Variants in WWOX observed in about 807,000 individuals in gnomAD.
The protein encoded by WWOX is WW domain-containing oxidoreductase.
WWOX carries 69 observed loss-of-function variants against 46.2 expected under a neutral mutation model. The ratio of observed to expected loss-of-function variants is 1.49; its 90% CI spans 1.23 to 1.82. WWOX has a LOEUF of 1.82. WWOX is among the 40% of genes most tolerant of loss of function. WWOX has a pLI of 0.00. For synonymous variants in WWOX, 359 were observed against 202.6 expected (o/e 1.77, Z -6.56); for missense variants, 919 against 542.6 (o/e 1.69, Z -6.89).
At chr16:79,150,526 C>T (rs947296635) in intron 8 of WWOX, among the ~76,000 whole-genome samples, 1 of 152,182 alleles carries the variant, frequency 6.6e-6, no homozygotes, top group Admixed American at 6.5e-5. Flanking sequence ...GTGCATGCCT[C>T]ATCTCTAAGG....
chr16:78,409,811 C>A (rs1204058225), intron 6 of WWOX, among the ~76,000 whole-genome samples: 2 of 152,170 alleles, frequency 1.3e-5, no homozygotes, highest in African/African-American at 4.8e-5. Flanking sequence ...TCAAAACCAG[C>A]ACTGTTGCAT....
chr16:78,808,955 T>G (rs1217033379), intron 8 of WWOX, among the ~76,000 whole-genome samples: 1 of 152,124 alleles, frequency 6.6e-6, no homozygotes, highest in African/African-American at 2.4e-5. Context: ...GTCATGCGCT[T>G]GATCTAAATG....
At chr16:78,628,050 A>G (rs572326964) in intron 8 of WWOX, among the ~76,000 whole-genome samples, 106 of 152,344 alleles carry the variant, frequency 7.0e-4, no homozygotes, top group Non-Finnish European at 1.2e-3. Flanking sequence ...AAGGAAAGAT[A>G]CAGGGTGTGT....
intron 8 of WWOX, among the ~76,000 whole-genome samples, chr16:79,185,024 A>T (rs1036627377): frequency 6.6e-6 from 1 of 152,220 alleles, no homozygotes; most frequent in Middle Eastern, 3.2e-3. Flanking sequence ...GGAAACACAC[A>T]AATAATTTGA....
At chr16:78,616,024 A>G (rs1041397855) in intron 8 of WWOX, among the ~76,000 whole-genome samples, 1 of 152,124 alleles carries the variant, frequency 6.6e-6, no homozygotes, top group African/African-American at 2.4e-5. Flanking sequence ...TGCTGGGATT[A>G]CAGGCGTGAA....
intron 8 of WWOX, among the ~76,000 whole-genome samples, chr16:79,201,918 T>G (rs552455432): frequency 2.0e-5 from 3 of 152,232 alleles, no homozygotes; most frequent in Non-Finnish European, 4.4e-5. Flanking sequence ...GAATTTTCAT[T>G]TGATCAAATC....
At chr16:78,973,385 C>G (rs1162187391) in intron 8 of WWOX, among the ~76,000 whole-genome samples, 1 of 152,136 alleles carries the variant, frequency 6.6e-6, no homozygotes, top group Non-Finnish European at 1.5e-5. Flanking sequence ...CTAGAACGAT[C>G]TCCACTTTTA....
intron 8 of WWOX, among the ~76,000 whole-genome samples, chr16:78,757,984 C>T (rs1405125041): frequency 6.6e-6 from 1 of 152,092 alleles, no homozygotes. Flanking sequence ...CACTGACCTT[C>T]TATCAGATCA....
chr16:78,104,851 C>A (rs970772388), intron 1 of WWOX, among the ~76,000 whole-genome samples: 2 of 152,130 alleles, frequency 1.3e-5, no homozygotes, highest in African/African-American at 2.4e-5. Flanking sequence ...TTCTCTATAA[C>A]CCCAAGAAGT....
chr16:78,775,300 TTCACAGCAATGCCTTTGAGAA>T (rs2142534572), intron 8 of WWOX, among the ~76,000 whole-genome samples: 2 of 152,280 alleles, frequency 1.3e-5, no homozygotes, highest in East Asian at 3.9e-4. Context: ...GTTTTGACTG[TTCACAGCAATGCCTTTGAGAA>T]TCACAGTGTG....
At chr16:78,488,911 T>G (rs989323166) in intron 8 of WWOX, among the ~76,000 whole-genome samples, 1 of 137,680 alleles carries the variant, frequency 7.3e-6, no homozygotes, top group Non-Finnish European at 1.5e-5. Flanking sequence ...TATTATTTTG[T>G]TCTTTCTGCC....
intron 8 of WWOX, among the ~76,000 whole-genome samples, chr16:78,495,208 T>C (rs1257371224): frequency 1.4e-5 from 2 of 139,028 alleles, no homozygotes; most frequent in Non-Finnish European, 3.1e-5. Flanking sequence ...TGGCATGATC[T>C]CGGCTCACTG....
chr16:78,463,378 A>C lies in WWOX; in HGVS notation c.1056+30626A>C, dbSNP rs551220581. On this transcript the variant is annotated intron_variant, in intron 8 of 8. Transcript: ENST00000566780. ...TTAAAAAGGATAACCCTTGAAACCT[A>C]GGGTGTCCAACTGCTAATTTATATA... Among the ~76,000 whole-genome samples, 3 of 152,310 alleles carry C rather than the reference A, an allele frequency of 2.0e-5. No homozygotes were observed. The South Asian group carries it at 6.2e-4, about 32-fold the overall frequency.
chr16:79,127,918 A>G (rs889386847), intron 8 of WWOX, among the ~76,000 whole-genome samples: 1 of 152,220 alleles, frequency 6.6e-6, no homozygotes, highest in Non-Finnish European at 1.5e-5. Flanking sequence ...TCAGGGCAGG[A>G]AATCAGTACA....
intron 8 of WWOX, among the ~76,000 whole-genome samples, chr16:78,559,903 CA>C (rs1256891367): frequency 6.6e-6 from 1 of 152,184 alleles, no homozygotes; most frequent in African/African-American, 2.4e-5. Context: ...ACTTGGCTTA[CA>C]ATCCGTTGCA....
intron 8 of WWOX, among the ~76,000 whole-genome samples, chr16:78,521,374 G>T (rs1351690915): frequency 2.0e-5 from 3 of 152,052 alleles, no homozygotes; most frequent in Non-Finnish European, 4.4e-5. Context: ...ATTTTTTAAT[G>T]GGGGTGTGTG....
chr16:79,026,588 A>C (rs906826830), intron 8 of WWOX, among the ~76,000 whole-genome samples: 3 of 149,924 alleles, frequency 2.0e-5, no homozygotes, highest in Admixed American at 1.3e-4. Flanking sequence ...AGGGGAGAGA[A>C]CACAGAGCCT....
At chr16:78,150,716 G>C (rs1271972048) in intron 4 of WWOX, among the ~76,000 whole-genome samples, 1 of 152,096 alleles carries the variant, frequency 6.6e-6, no homozygotes, top group Admixed American at 6.5e-5. Context: ...TGTTACCCTA[G>C]GCATGATTAC....
intron 8 of WWOX, among the ~76,000 whole-genome samples, chr16:79,201,367 G>T (rs1308467630): frequency 1.3e-5 from 2 of 148,930 alleles, no homozygotes; most frequent in Non-Finnish European, 3.0e-5. Flanking sequence ...TTTTTTAAAT[G>T]GGAAACTTAC....
Sources: gnomAD v4.1 joint callset for allele counts (sites outside exome capture counted in the v4.1 genomes callset) on GRCh38, gnomAD v4.1.1 for gene constraint, MANE v1.5 for transcripts, NCBI Gene and HGNC (gene_info 2026-07-23, HGNC 2026-07-21) for gene names.